Variants in EML1 observed in about 807,000 individuals in gnomAD.
EML1 encodes EMAP like 1, also known as echinoderm microtubule-associated protein-like 1.
A neutral mutation model predicts 110.4 loss-of-function variants in EML1; 27 were observed. That is an observed-to-expected ratio of 0.24 (90% confidence interval 0.18 to 0.34). The LOEUF (loss-of-function observed/expected upper bound fraction) is 0.34, where lower values mean the gene tolerates loss of function less well. Ranked by LOEUF, EML1 falls within the 10% of genes least tolerant of loss-of-function variation. The pLI is 1.00. For synonymous variants in EML1, 344 were observed against 385.8 expected (o/e 0.89, Z 1.27); for missense variants, 741 against 1,030.9 (o/e 0.72, Z 3.85).
intron 1 of EML1, among the ~76,000 whole-genome samples, chr14:99,748,431 T>A (rs1308216770): frequency 1.3e-5 from 2 of 152,088 alleles, no homozygotes; most frequent in African/African-American, 4.8e-5. Flanking sequence ...TGTTATCTTT[T>A]TTTTTTTGTC....
intron 1 of EML1, among the ~76,000 whole-genome samples, chr14:99,807,653 C>T (rs910195215): frequency 1.3e-5 from 2 of 152,172 alleles, no homozygotes; most frequent in Non-Finnish European, 2.9e-5. Flanking sequence ...GAAACCCTGA[C>T]CTCACTCCCC....
chr14:99,816,565 C>G (rs997974906), intron 1 of EML1, among the ~76,000 whole-genome samples: 2 of 152,252 alleles, frequency 1.3e-5, no homozygotes, highest in African/African-American at 4.8e-5. Context: ...GGATGCTTCA[C>G]TCAGCTCGCC....
chr14:99,769,911 C>T (rs1190056334), upstream of EML1, among the ~76,000 whole-genome samples: 1 of 152,186 alleles, frequency 6.6e-6, no homozygotes, highest in African/African-American at 2.4e-5. Context: ...TGGCCCAGTT[C>T]ACCCCTCCAA....
chr14:99,900,658 G>A (rs2059748418), intron 8 of EML1, among the ~76,000 whole-genome samples: 1 of 152,170 alleles, frequency 6.6e-6, no homozygotes, highest in Admixed American at 6.5e-5. Flanking sequence ...TAAAGTGTCA[G>A]TTCCCATGGT....
chr14:99,843,814 C>T (rs1387306149), intron 1 of EML1, among the ~76,000 whole-genome samples: 1 of 152,162 alleles, frequency 6.6e-6, no homozygotes, highest in African/African-American at 2.4e-5. Context: ...GTGTGTTGAC[C>T]CAGCGTCCTA....
chr14:99,745,911 A>G (rs2057102219), intron 1 of EML1, among the ~76,000 whole-genome samples: 1 of 152,190 alleles, frequency 6.6e-6, no homozygotes, highest in African/African-American at 2.4e-5. Context: ...AGGCTAGAGC[A>G]GGGAATTCAG....
chr14:99,900,202 T>C (rs1033836759), intron 8 of EML1, among the ~76,000 whole-genome samples: 18 of 118,000 alleles, frequency 1.5e-4, no homozygotes, highest in Admixed American at 9.0e-4. Flanking sequence ...TTTTTTTTTT[T>C]TTTGAGACAG....
rs2060565570 is a variant in EML1, at chr14:99,940,250, G to A, written c.*138G>A. 3.2e-6 allele frequency: 4 copies of A among 1,242,870 alleles called. No individual in the cohort carries two copies. The highest frequency in any genetic ancestry group is 3.1e-6 in the Non-Finnish European group (3 of 959,588). The allele number at this position is 1,242,870 out of a possible 1,614,324, so 77.0% of individuals were successfully genotyped here. A position where few individuals can be genotyped will look rare whatever the true frequency, so the allele number is the denominator to read the frequency against. ...ACTGTGCCCTCCGCCGGCTACCTTA[G>A]CTTAGCGTGTCAGCGGGCGCCACAG... On this transcript the variant is annotated 3_prime_UTR_variant, in exon 22 of 22. Coordinates refer to ENST00000262233, the MANE Select transcript of EML1 (RefSeq NM_004434.3).
Position 99,936,125 on chromosome 14 carries a change from C to A in EML1, c.2006C>A (p.Ser669Ter). 3 of 1,614,102 alleles carry A rather than the reference C, an allele frequency of 1.9e-6. No individual in the cohort carries two copies. Among genetic ancestry groups the A allele is most frequent in the South Asian group, 2.2e-5 (2 of 91,072 alleles). The change falls in exon 18 of 22, where the codon TCG becomes TAG. Residue 669 changes from serine (S) to a stop codon, truncating the protein, a stop_gained and splice_region_variant. Transcript: ENST00000262233. LOFTEE classifies it high-confidence loss of function. This position sits in a 1 kb window ranked among gnomAD's most constrained non-coding sequence, Gnocchi z 5.5. ...GRKYTRVGKC[S>*]GHSSFITHLD... ...AAGTACACGCGAGTGGGCAAGTGCT[C>A]GGTAAGCGCTGACAGTGGACCTGTC...
chr14:99,836,672 G>A (rs559444638), intron 1 of EML1, among the ~76,000 whole-genome samples: 11 of 152,206 alleles, frequency 7.2e-5, no homozygotes, highest in Admixed American at 2.0e-4. Flanking sequence ...TCATATTTTT[G>A]TGCATCTTTG....
At chr14:99,831,085 A>T (rs568338514) in intron 1 of EML1, among the ~76,000 whole-genome samples, 1 of 152,176 alleles carries the variant, frequency 6.6e-6, no homozygotes, top group African/African-American at 2.4e-5. Context: ...CAACAACTCA[A>T]ATGTATTTTC....
At chr14:99,875,082 G>A in intron 3 of EML1, 1 of 1,180,464 alleles carries the variant, frequency 8.5e-7, no homozygotes, top group Non-Finnish European at 1.2e-6. Context: ...CTTGTCCAGT[G>A]CCTACCATTC....
upstream of EML1, among the ~76,000 whole-genome samples, chr14:99,769,227 A>G (rs2057397938): frequency 6.6e-6 from 1 of 152,160 alleles, no homozygotes; most frequent in Middle Eastern, 3.2e-3. Context: ...CAGCGTGGCC[A>G]TCTCCTCGGT....
At chr14:99,849,047 AT>A (rs1197276600) in intron 1 of EML1, among the ~76,000 whole-genome samples, 1 of 152,048 alleles carries the variant, frequency 6.6e-6, no homozygotes, top group Non-Finnish European at 1.5e-5. Context: ...TGATGCAGGT[AT>A]TTATCATTTC....
chr14:99,818,506 C>T (rs1468053952), intron 1 of EML1, among the ~76,000 whole-genome samples: 1 of 152,170 alleles, frequency 6.6e-6, no homozygotes, highest in East Asian at 1.9e-4. Context: ...TTGATGGCTG[C>T]ACGGTGGTGC....
chr14:99,821,851 A>G (rs2058268824), intron 1 of EML1, among the ~76,000 whole-genome samples: 2 of 152,206 alleles, frequency 1.3e-5, no homozygotes, highest in South Asian at 2.1e-4. Flanking sequence ...TCGGTTTTAT[A>G]ATGTACTTCT....
At chr14:99,768,062 G>T (rs2057385130), upstream of EML1, among the ~76,000 whole-genome samples, 1 of 152,196 alleles carries the variant, frequency 6.6e-6, no homozygotes, top group Admixed American at 6.5e-5. Flanking sequence ...AAGAGGCCAA[G>T]TCACCCTGAT....
chr14:99,931,697 A>C (rs2060371972), intron 17 of EML1, among the ~76,000 whole-genome samples: 1 of 152,210 alleles, frequency 6.6e-6, no homozygotes, highest in Admixed American at 6.5e-5. Flanking sequence ...GGACCCAAGA[A>C]ACAGGCTGTG....
Position 99,905,452 on chromosome 14 carries a change from C to T in EML1, c.1009-2186C>T, listed in dbSNP as rs1286433486. On this transcript the variant is annotated intron_variant, in intron 9 of 21. Transcript: ENST00000262233. This position sits in a 1 kb window ranked among gnomAD's most constrained non-coding sequence, Gnocchi z 4.1. ...GAGAAAAGCATTCCCTGTGGCAGGG[C>T]GGGGAAGGTGAAGAGCTCAGGGAGG... 2.0e-5 allele frequency among the ~76,000 whole-genome samples: 3 copies of T among 152,142 alleles called. No homozygotes were observed. Among genetic ancestry groups the T allele is most frequent in the African/African-American group, 7.2e-5 (3 of 41,422 alleles).
Sources: allele counts gnomAD v4.1 joint callset (sites outside exome capture counted in the v4.1 genomes callset), GRCh38; gene constraint gnomAD v4.1.1; non-coding constraint Gnocchi (gnomAD v3.1); transcripts MANE v1.5; gene names NCBI Gene and HGNC (gene_info 2026-07-23, HGNC 2026-07-21).